SNX4: variants seen among roughly 807,000 people sequenced by gnomAD.
SNX4 encodes sorting nexin 4, also known as sorting nexin-4.
In SNX4, 49 loss-of-function variants were observed where a neutral mutation model predicts 70.8. The observed-to-expected ratio is 0.69, with a 90% CI of 0.55 to 0.88. The LOEUF is 0.88. Ranked by LOEUF, SNX4 falls within the 40% of genes least tolerant of loss-of-function variation. The probability of loss-of-function intolerance (pLI) is 0.00; values close to 1 mark genes in which losing one functional copy is unlikely to be tolerated. For synonymous variants in SNX4, 206 were observed against 183.8 expected (o/e 1.12, Z -0.98); for missense variants, 528 against 544.8 (o/e 0.97, Z 0.31).
At chr3:125,456,981 A>G (rs529228437) in intron 11 of SNX4, among the ~76,000 whole-genome samples, 1 of 150,924 alleles carries the variant, frequency 6.6e-6, no homozygotes, top group Admixed American at 6.6e-5. Context: ...TTTTTTTTTT[A>G]AAACGAAACC....
intron 6 of SNX4, among the ~76,000 whole-genome samples, chr3:125,487,601 A>G (rs1324303735): frequency 6.6e-6 from 1 of 152,236 alleles, no homozygotes; most frequent in East Asian, 1.9e-4. Context: ...GCTTTTTTTG[A>G]GGGTGACTTA....
chr3:125,464,470 T>C (rs1371018846), intron 9 of SNX4, among the ~76,000 whole-genome samples: 3 of 151,802 alleles, frequency 2.0e-5, no homozygotes, highest in African/African-American at 7.3e-5. Flanking sequence ...TCCATGTAGA[T>C]ATCCAGTTAT....
chr3:125,480,118 G>A (rs769359256), intron 7 of SNX4, 129 bp downstream of exon 7: 15 of 486,626 alleles, frequency 3.1e-5, no homozygotes, highest in Non-Finnish European at 5.1e-5. Flanking sequence ...TTTGGATGAT[G>A]AACATATAAA....
intron 9 of SNX4, among the ~76,000 whole-genome samples, chr3:125,468,431 T>C (rs2107535884): frequency 6.6e-6 from 1 of 150,924 alleles, no homozygotes; most frequent in East Asian, 2.0e-4. Flanking sequence ...CCAGGTGTGC[T>C]GGCTCCCGCC....
chr3:125,512,761 A>C (rs1935195327), intron 1 of SNX4, among the ~76,000 whole-genome samples: 1 of 143,860 alleles, frequency 7.0e-6, no homozygotes, highest in Admixed American at 7.2e-5. Flanking sequence ...CAGGGTCAAC[A>C]GATACAACAA....
intron 5 of SNX4, among the ~76,000 whole-genome samples, chr3:125,496,859 C>A (rs1286460398): frequency 6.6e-6 from 1 of 152,018 alleles, no homozygotes; most frequent in Non-Finnish European, 1.5e-5. Context: ...TTCAAACTGA[C>A]CACCATGTCT....
chr3:125,479,248 T>C (rs1934351556), intron 7 of SNX4, among the ~76,000 whole-genome samples: 1 of 151,990 alleles, frequency 6.6e-6, no homozygotes, highest in Non-Finnish European at 1.5e-5. Flanking sequence ...TTCCAGGCAA[T>C]ATATTTCATT....
At chr3:125,462,182 T>G (rs973500501) in intron 9 of SNX4, among the ~76,000 whole-genome samples, 2 of 152,222 alleles carry the variant, frequency 1.3e-5, no homozygotes, top group Non-Finnish European at 2.9e-5. Context: ...CAATTTGAAC[T>G]TAAATTTTAT....
At chr3:125,515,230 T>C (rs928823311) in intron 1 of SNX4, among the ~76,000 whole-genome samples, 2 of 151,912 alleles carry the variant, frequency 1.3e-5, no homozygotes, top group African/African-American at 4.8e-5. Flanking sequence ...CGTGTGCCTA[T>C]AGTCCCAGCT....
chr3:125,458,542 C>T (rs141382294), intron 10 of SNX4, among the ~76,000 whole-genome samples: 5 of 152,054 alleles, frequency 3.3e-5, no homozygotes, highest in African/African-American at 4.8e-5. Context: ...TTCGGATGGG[C>T]GCGGTGGCTC....
intron 5 of SNX4, among the ~76,000 whole-genome samples, chr3:125,494,427 C>T (rs909252659): frequency 6.6e-6 from 1 of 152,064 alleles, no homozygotes; most frequent in African/African-American, 2.4e-5. Context: ...TATTAACTCA[C>T]CTCAAAGGTA....
chr3:125,478,047 C>CCTTCTT (rs74478568), intron 7 of SNX4, among the ~76,000 whole-genome samples: 1 of 147,634 alleles, frequency 6.8e-6, no homozygotes, highest in Non-Finnish European at 1.5e-5. Flanking sequence ...TCCTCCTCCT[C>CCTTCTT]CTTCTTCTTC....
chr3:125,490,202 C>T (rs1343248703), intron 5 of SNX4, among the ~76,000 whole-genome samples: 1 of 151,888 alleles, frequency 6.6e-6, no homozygotes, highest in African/African-American at 2.4e-5. Context: ...TGGTTTTTCT[C>T]ATTTTCATAA....
intron 1 of SNX4, among the ~76,000 whole-genome samples, chr3:125,515,716 A>T (rs1935263864): frequency 6.6e-6 from 1 of 151,874 alleles, no homozygotes; most frequent in East Asian, 1.9e-4. Context: ...ATCACCTTCA[A>T]AAAAATCTGA....
intron 6 of SNX4, among the ~76,000 whole-genome samples, chr3:125,482,307 A>C (rs1934429783): frequency 6.6e-6 from 1 of 152,128 alleles, no homozygotes; most frequent in South Asian, 2.1e-4. Flanking sequence ...CCTATCTTCC[A>C]CTACTCCTCA....
intron 1 of SNX4, among the ~76,000 whole-genome samples, chr3:125,511,539 AG>A (rs978307792): frequency 6.6e-6 from 1 of 152,230 alleles, no homozygotes; most frequent in African/African-American, 2.4e-5. Flanking sequence ...AAGGTGAAAA[AG>A]AACAATAAAT....
chr3:125,481,719 G>C (rs756790169), intron 6 of SNX4, among the ~76,000 whole-genome samples: 4 of 152,100 alleles, frequency 2.6e-5, no homozygotes, highest in Admixed American at 2.6e-4. Flanking sequence ...GATTACAAGC[G>C]TGAGCCACCA....
intron 13 of SNX4, among the ~76,000 whole-genome samples, chr3:125,448,774 C>T (rs912765680): frequency 1.4e-5 from 2 of 144,638 alleles, no homozygotes; most frequent in African/African-American, 5.2e-5. Flanking sequence ...CTCCCGGGTT[C>T]ACACCATTCT....
At chr3:125,454,610 A>C (rs575767902) in intron 11 of SNX4, among the ~76,000 whole-genome samples, 10 of 152,320 alleles carry the variant, frequency 6.6e-5, no homozygotes, top group African/African-American at 2.4e-4. Flanking sequence ...GGACTTAAGC[A>C]TCTGAGGATT....
Sources: gnomAD v4.1 joint callset for allele counts (sites outside exome capture counted in the v4.1 genomes callset) on GRCh38, gnomAD v4.1.1 for gene constraint, MANE v1.5 for transcripts, NCBI Gene and HGNC (gene_info 2026-07-23, HGNC 2026-07-21) for gene names.